Variants in SAMD3 observed in about 807,000 individuals in gnomAD.
SAMD3 encodes sterile alpha motif domain-containing protein 3.
A neutral mutation model predicts 58.5 loss-of-function variants in SAMD3; 63 were observed. The observed-to-expected ratio is 1.08, with a 90% CI of 0.88 to 1.33. The LOEUF (loss-of-function observed/expected upper bound fraction) is 1.33, where lower values mean the gene tolerates loss of function less well. Ranked by LOEUF, SAMD3 falls within the 40% of genes most tolerant of loss-of-function variation. The probability of loss-of-function intolerance (pLI) is 0.00; values close to 1 mark genes in which losing one functional copy is unlikely to be tolerated. For synonymous variants in SAMD3, 220 were observed against 210.3 expected (o/e 1.05, Z -0.40); for missense variants, 604 against 608.4 (o/e 0.99, Z 0.08).
chr6:130,224,886 G>A (rs1474113949), upstream of SAMD3, among the ~76,000 whole-genome samples: 1 of 152,032 alleles, frequency 6.6e-6, no homozygotes, highest in Non-Finnish European at 1.5e-5. Flanking sequence ...CTAAAGTGCT[G>A]AGATTACAGG....
intron 5 of SAMD3, among the ~76,000 whole-genome samples, chr6:130,197,941 G>C (rs1794292057): frequency 6.6e-6 from 1 of 152,100 alleles, no homozygotes; most frequent in South Asian, 2.1e-4. Flanking sequence ...AAAATGGCCT[G>C]TTCCTGCTTT....
chr6:130,354,995 A>G (rs752408556), intron 1 of SAMD3, among the ~76,000 whole-genome samples: 9 of 152,216 alleles, frequency 5.9e-5, no homozygotes, highest in Non-Finnish European at 1.3e-4. Context: ...AAAAATGCAG[A>G]AAAAGTTTAT....
rs9492561 is a variant in SAMD3, at chr6:130,361,862, T to A, written c.-304+3258A>T. ...CAGTGCCTGAGAGATTTGTTGAACA[T>A]CTGCTACATGCCGACCCAAATGTTT... On this transcript the variant is annotated intron_variant, in intron 1 of 13. Coordinates refer to the SAMD3 transcript ENST00000368134. Among the ~76,000 whole-genome samples, 673 of 152,336 alleles carry A rather than the reference T, an allele frequency of 4.4e-3. 5 individuals are homozygous for A. Among genetic ancestry groups the A allele is most frequent in the African/African-American group, 0.015 (630 of 41,564 alleles).
At chr6:130,319,114 A>T (rs187675188) in intron 1 of SAMD3, among the ~76,000 whole-genome samples, 1 of 152,222 alleles carries the variant, frequency 6.6e-6, no homozygotes, top group African/African-American at 2.4e-5. Context: ...GAAGGAAAAA[A>T]TCCTGAACGA....
At chr6:130,175,741 T>C in intron 8 of SAMD3, 100 bp downstream of exon 8, 2 of 782,822 alleles carry the variant, frequency 2.6e-6, no homozygotes, top group Non-Finnish European at 3.9e-6. Context: ...TAAAAAGGTA[T>C]CTTATTTTGT....
rs181358587 is a variant in SAMD3 at position 130,207,066 on chromosome 6, C to T, written c.383+2429G>A. 1.3e-4 allele frequency among the ~76,000 whole-genome samples: 19 copies of T among 149,924 alleles called. No homozygotes were observed. In the East Asian group the frequency reaches 3.3e-3, roughly 26 times the overall value. ...CCAAAGGCTAAGGCGGGAGGATTTC[C>T]GGAGCCTGGAAAATCAAGGCTGCAG... On this transcript the variant is annotated intron_variant, in intron 5 of 11. Coordinates refer to ENST00000439090, the MANE Select transcript of SAMD3 (RefSeq NM_001017373.4).
At chr6:130,196,429 T>C (rs909440244) in intron 5 of SAMD3, among the ~76,000 whole-genome samples, 5 of 152,124 alleles carry the variant, frequency 3.3e-5, no homozygotes, top group Non-Finnish European at 5.9e-5. Context: ...TGACTGTATC[T>C]CTCTGATCCA....
upstream of SAMD3, among the ~76,000 whole-genome samples, chr6:130,226,965 A>G (rs946476586): frequency 6.6e-6 from 1 of 152,270 alleles, no homozygotes; most frequent in Non-Finnish European, 1.5e-5. Flanking sequence ...GCAAAAATAT[A>G]CATAATGTAA....
Position 130,239,022 on chromosome 6 carries a change from G to A in SAMD3, c.-187-16209C>T, listed in dbSNP as rs188579844. 2.8e-3 allele frequency among the ~76,000 whole-genome samples: 422 copies of A among 152,280 alleles called. 5 individuals carry two copies. Among genetic ancestry groups the A allele is most frequent in the African/African-American group, 9.8e-3 (409 of 41,546 alleles). On this transcript the variant is annotated intron_variant, in intron 2 of 13. Coordinates refer to the SAMD3 transcript ENST00000368134. ...CATCCGCCTGCTTCGGCCTCCCAAA[G>A]TGCTGGGATTACAGGCGTGAGCCAT...
At position 130,144,574 on chromosome 6, in the gene SAMD3, AAAAT is replaced by A. The variant is rs756586343; in HGVS notation, c.1505_1508del (p.Tyr502PhefsTer4). 76 of 1,613,978 alleles carry A rather than the reference AAAAT, an allele frequency of 4.7e-5. No individual in the cohort carries two copies. Among genetic ancestry groups the A allele is most frequent in the South Asian group, 3.3e-4 (30 of 91,072 alleles). Reference sequence around the variant, plus strand: ...CGTTTTCCTTTTCTTTCAAAGAAGGAAAATAAGGACTGTGCATATCGAAAATCAG... The same window carrying A: ...CGTTTTCCTTTTCTTTCAAAGAAGGAAAGGACTGTGCATATCGAAAATCAG... On this transcript the variant is annotated frameshift_variant, in exon 12 of 12. Coordinates refer to ENST00000439090, the MANE Select transcript of SAMD3 (RefSeq NM_001017373.4). LOFTEE classifies it high-confidence loss of function.
chr6:130,168,327 C>A (rs544888285), intron 8 of SAMD3, among the ~76,000 whole-genome samples: 21 of 152,220 alleles, frequency 1.4e-4, no homozygotes, highest in African/African-American at 5.1e-4. Flanking sequence ...CCCAGCTACT[C>A]AGGAGGCTGA....
At chr6:130,175,442 C>G (rs370240879) in intron 8 of SAMD3, among the ~76,000 whole-genome samples, 1 of 152,090 alleles carries the variant, frequency 6.6e-6, no homozygotes, top group Admixed American at 6.6e-5. Context: ...TTATTTCTTC[C>G]CTGAAACCTG....
chr6:130,143,750 CTTGTGAAATAG>C (rs1213747756), downstream of SAMD3: 1 of 152,116 alleles, frequency 6.6e-6, no homozygotes, highest in Non-Finnish European at 1.5e-5. Flanking sequence ...TAGTTCTTAC[CTTGTGAAATAG>C]TTGGAAAGAG....
intron 2 of SAMD3, among the ~76,000 whole-genome samples, chr6:130,232,059 T>C (rs1050861682): frequency 1.3e-5 from 2 of 152,132 alleles, no homozygotes; most frequent in Non-Finnish European, 2.9e-5. Context: ...GTGGCTACTG[T>C]AGTAGACATT....
At chr6:130,215,784 T>C in intron 2 of SAMD3, 1 of 1,530,602 alleles carries the variant, frequency 6.5e-7, no homozygotes, top group Non-Finnish European at 8.8e-7. Context: ...AACCCCTTAG[T>C]AGACTGGTTA....
chr6:130,165,108 A>T (rs1790611280), intron 8 of SAMD3, among the ~76,000 whole-genome samples: 1 of 152,206 alleles, frequency 6.6e-6, no homozygotes, highest in Admixed American at 6.5e-5. Context: ...GGAACTAAAA[A>T]ATTCAAACAA....
At chr6:130,269,333 C>A (rs952766798) in intron 2 of SAMD3, among the ~76,000 whole-genome samples, 1 of 152,048 alleles carries the variant, frequency 6.6e-6, no homozygotes, top group Non-Finnish European at 1.5e-5. Flanking sequence ...CAAGTGAAAC[C>A]ATTTGGGGCT....
At chr6:130,272,330 CA>C (rs1329791510) in intron 2 of SAMD3, among the ~76,000 whole-genome samples, 2 of 152,180 alleles carry the variant, frequency 1.3e-5, no homozygotes, top group Non-Finnish European at 1.5e-5. Context: ...TGAATTCAAG[CA>C]TGGCTAAAAT....
At chr6:130,317,409 TA>T (rs1304115927) in intron 1 of SAMD3, among the ~76,000 whole-genome samples, 1 of 152,216 alleles carries the variant, frequency 6.6e-6, no homozygotes, top group Non-Finnish European at 1.5e-5. Context: ...GAAATGCATG[TA>T]TTTTATTATG....
Sources: gnomAD v4.1 joint callset for allele counts (sites outside exome capture counted in the v4.1 genomes callset) on GRCh38, gnomAD v4.1.1 for gene constraint, MANE v1.5 for transcripts, NCBI Gene and HGNC (gene_info 2026-07-23, HGNC 2026-07-21) for gene names.